The following STXBP5L variants were observed in gnomAD, a reference collection of about 807,000 sequenced individuals.
The protein encoded by STXBP5L is syntaxin-binding protein 5-like.
In STXBP5L, 65 loss-of-function variants were observed where a neutral mutation model predicts 144.5. The ratio of observed to expected loss-of-function variants is 0.45; its 90% CI spans 0.37 to 0.55. The LOEUF is 0.55. Among genes scored for constraint, STXBP5L ranks in the 20% least tolerant of loss-of-function variants. The pLI, the probability that STXBP5L is intolerant of heterozygous loss-of-function variation, is 0.00. For missense variants in STXBP5L, 1,298 were observed against 1,405.5 expected, an observed-to-expected ratio of 0.92 and a Z score of 1.22; for synonymous variants, 505 against 469.6, an observed-to-expected ratio of 1.08 and a Z score of -0.97.
At chr3:121,107,563 C>A (rs775120492) in intron 5 of STXBP5L, among the ~76,000 whole-genome samples, 14 of 151,876 alleles carry the variant, frequency 9.2e-5, no homozygotes, top group Non-Finnish European at 2.1e-4. Flanking sequence ...ATATTCTGTT[C>A]CATTGGTGTG....
intron 9 of STXBP5L, among the ~76,000 whole-genome samples, chr3:121,174,019 G>A (rs1015191738): frequency 2.6e-5 from 4 of 152,098 alleles, no homozygotes; most frequent in Non-Finnish European, 4.4e-5. Flanking sequence ...GAGATGAACT[G>A]CTCATACTGA....
chr3:121,185,710 A>T (rs533042236), intron 9 of STXBP5L, among the ~76,000 whole-genome samples: 1 of 152,180 alleles, frequency 6.6e-6, no homozygotes, highest in Non-Finnish European at 1.5e-5. Flanking sequence ...GCCTTGTAGC[A>T]TAGTTCAAAG....
intron 19 of STXBP5L, among the ~76,000 whole-genome samples, chr3:121,310,800 T>A (rs1343176703): frequency 6.6e-6 from 1 of 151,870 alleles, no homozygotes; most frequent in East Asian, 1.9e-4. Flanking sequence ...TCCCAGCTAC[T>A]TGGGAGGCTG....
At chr3:121,098,473 GATA>G (rs1472352440) in intron 5 of STXBP5L, among the ~76,000 whole-genome samples, 1 of 152,182 alleles carries the variant, frequency 6.6e-6, no homozygotes, top group African/African-American at 2.4e-5. Context: ...CTGTCCTCAT[GATA>G]ATGAGTGAGT....
intron 25 of STXBP5L, among the ~76,000 whole-genome samples, chr3:121,416,710 G>C (rs1165006029): frequency 1.3e-5 from 2 of 151,600 alleles, no homozygotes; most frequent in Non-Finnish European, 2.9e-5. Flanking sequence ...TTGCTATGTT[G>C]GCTAGGTTGG....
chr3:120,985,885 A>AT (rs1307640999), intron 3 of STXBP5L, among the ~76,000 whole-genome samples: 4 of 150,450 alleles, frequency 2.7e-5, no homozygotes, highest in East Asian at 3.9e-4. Context: ...GGTTTCACTG[A>AT]TTTTTTCTAT....
chr3:120,995,538 ATGT>A (rs1943274545), intron 3 of STXBP5L, among the ~76,000 whole-genome samples: 1 of 150,522 alleles, frequency 6.6e-6, no homozygotes, highest in Admixed American at 6.6e-5. Context: ...TGATTTATTT[ATGT>A]TGTTTTGAGT....
intron 7 of STXBP5L, among the ~76,000 whole-genome samples, chr3:121,127,097 A>C (rs16832121): frequency 0.1 from 15,291 of 149,022 alleles, 1,425 homozygotes; most frequent in Admixed American, 0.2. Context: ...TCTCAGAACA[A>C]TTAATTACTG....
At chr3:121,349,934 A>G (rs1167789384) in intron 20 of STXBP5L, among the ~76,000 whole-genome samples, 1 of 152,000 alleles carries the variant, frequency 6.6e-6, no homozygotes, top group Non-Finnish European at 1.5e-5. Context: ...TGTGTCTTTT[A>G]TTTGGAGCAT....
chr3:121,148,667 G>A (rs559167029), intron 7 of STXBP5L, among the ~76,000 whole-genome samples: 1 of 152,154 alleles, frequency 6.6e-6, no homozygotes, highest in African/African-American at 2.4e-5. Flanking sequence ...TATACATTTT[G>A]TGAAAATGAA....
intron 5 of STXBP5L, among the ~76,000 whole-genome samples, chr3:121,060,263 A>T (rs2041202978): frequency 6.6e-6 from 1 of 151,888 alleles, no homozygotes; most frequent in East Asian, 1.9e-4. Context: ...TGTTTATGTG[A>T]TGGATTATGT....
chr3:121,360,115 T>C (rs1171690630), intron 20 of STXBP5L, among the ~76,000 whole-genome samples: 2 of 148,098 alleles, frequency 1.4e-5, no homozygotes, highest in African/African-American at 5.0e-5. Flanking sequence ...AAAATTGTTA[T>C]ATCCTCTTGC....
intron 3 of STXBP5L, among the ~76,000 whole-genome samples, chr3:120,959,458 A>G (rs1461360343): frequency 6.6e-6 from 1 of 152,246 alleles, no homozygotes; most frequent in African/African-American, 2.4e-5. Flanking sequence ...ATCCTAAGCC[A>G]ACAGAACAAA....
chr3:121,211,812 C>A (rs1055833911), intron 10 of STXBP5L, among the ~76,000 whole-genome samples: 1 of 151,922 alleles, frequency 6.6e-6, no homozygotes, highest in Non-Finnish European at 1.5e-5. Context: ...CATCTCTTGA[C>A]CTCGTGATCC....
chr3:121,337,287 A>G (rs2108572645), intron 20 of STXBP5L, among the ~76,000 whole-genome samples: 1 of 152,236 alleles, frequency 6.6e-6, no homozygotes, highest in African/African-American at 2.4e-5. Context: ...CAAACCAAAT[A>G]TCAGCTCTCT....
intron 9 of STXBP5L, among the ~76,000 whole-genome samples, chr3:121,204,931 T>C (rs576454612): frequency 2.8e-4 from 42 of 152,218 alleles, no homozygotes; most frequent in Non-Finnish European, 5.0e-4. Flanking sequence ...TAAGAAATTA[T>C]CATTTTTGTT....
At chr3:120,909,342 A>C (rs1708703745) in intron 1 of STXBP5L, among the ~76,000 whole-genome samples, 1 of 152,162 alleles carries the variant, frequency 6.6e-6, no homozygotes, top group Admixed American at 6.6e-5. Flanking sequence ...AGGAGGGAAT[A>C]CTGTTGCTTT....
At chr3:121,301,455 T>C (rs1050008863) in intron 19 of STXBP5L, among the ~76,000 whole-genome samples, 1 of 152,184 alleles carries the variant, frequency 6.6e-6, no homozygotes, top group African/African-American at 2.4e-5. Context: ...GCTGAGATGA[T>C]GGGGTTCTCT....
chr3:121,058,428 A>G (rs910637133), intron 5 of STXBP5L, among the ~76,000 whole-genome samples: 5 of 152,210 alleles, frequency 3.3e-5, no homozygotes, highest in African/African-American at 1.2e-4. Flanking sequence ...CAGTGCTGCA[A>G]AAAGCATGCA....
Sources: allele counts gnomAD v4.1 joint callset (sites outside exome capture counted in the v4.1 genomes callset), GRCh38; gene constraint gnomAD v4.1.1; transcripts MANE v1.5; gene names NCBI Gene and HGNC (gene_info 2026-07-23, HGNC 2026-07-21).